The following TP53I11 variants were observed in gnomAD, a reference collection of about 807,000 sequenced individuals.
The protein encoded by TP53I11 is tumor protein p53 inducible protein 11.
Under a neutral mutation model 23.3 loss-of-function variants are expected in TP53I11, and 9 were observed. The ratio of observed to expected loss-of-function variants is 0.39; its 90% CI spans 0.23 to 0.67. The LOEUF is 0.67. TP53I11 is among the 30% of genes least tolerant of loss of function. The probability of loss-of-function intolerance (pLI) is 0.48; values close to 1 mark genes in which losing one functional copy is unlikely to be tolerated. For missense variants in TP53I11, 170 were observed against 255.2 expected (o/e 0.67, Z 2.27); for synonymous variants, 100 against 106.1 (o/e 0.94, Z 0.35).
At position 44,937,611 on chromosome 11, in the gene TP53I11, G is replaced by T. The variant is rs150843358; in HGVS notation, c.132C>A (p.Ile44=). 3.1e-4 allele frequency: 501 copies of T among 1,613,360 alleles called. 3 individuals are homozygous for T. The East Asian group carries it at 8.3e-3, about 27-fold the overall frequency. The change falls in exon 3 of 7, where the codon ATC becomes ATA. Residue 44 remains isoleucine (I), a splice_region_variant and synonymous_variant. Coordinates refer to ENST00000525680, the MANE Select transcript of TP53I11 (RefSeq NM_006034.5). ...TGATTTCATTGCCTAAGACCTGGCT[G>T]ATCTGTGGACAGAGGGGGTCAGAGG... ...DDDGEVHRSK[I]SQVLGNEIKF... is the part of the protein sequence containing the mutation.
Position 44,932,385 on chromosome 11 carries a change from A to C in TP53I11, c.*2499T>G, listed in dbSNP as rs919738104. 1.3e-5 allele frequency: 2 copies of C among 152,254 alleles called. No individual in the cohort carries two copies. The highest frequency in any genetic ancestry group is 2.9e-5 in the Non-Finnish European group (2 of 68,052). The allele number at this position is 152,254 out of a possible 1,614,324, so 9.4% of individuals were successfully genotyped here. On this transcript the variant is annotated 3_prime_UTR_variant, in exon 7 of 7. Transcript: ENST00000525680. Reference sequence around the variant, plus strand: ...ACTGGTTTTTGTGAATGTTTCTTACAAAAAGAAAAAGGAACAAAGAATAAA... The same window carrying C: ...ACTGGTTTTTGTGAATGTTTCTTACCAAAAGAAAAAGGAACAAAGAATAAA...
At chr11:44,935,151 G>T in intron 6 of TP53I11, 134 bp from the exon 7 acceptor site, 1 of 1,315,098 alleles carries the variant, frequency 7.6e-7, no homozygotes, top group Non-Finnish European at 1.1e-6. Flanking sequence ...CAGGTGGGAA[G>T]CACAGGACCT....
chr11:44,934,833 C>T lies in TP53I11; in HGVS notation c.*51G>A, dbSNP rs1488893704. The T allele has an allele frequency of 1.9e-6, 3 of 1,610,016 alleles. No homozygotes were observed. Among genetic ancestry groups the T allele is most frequent in the Non-Finnish European group, 2.5e-6 (3 of 1,177,850 alleles). On this transcript the variant is annotated 3_prime_UTR_variant, in exon 7 of 7. Coordinates refer to ENST00000525680, the MANE Select transcript of TP53I11 (RefSeq NM_006034.5). ...CAGGAGCCAAAGGGAAGCCGAGGCC[C>T]CAGCGCCACTCTGGCCCAGGCATGG...
rs1375085669 is a variant in TP53I11 at position 44,936,707 on chromosome 11, G to A, written c.334+96C>T. 7.4e-7 allele frequency: 1 copy of A among 1,351,786 alleles called. No individual in the cohort carries two copies. Among genetic ancestry groups the A allele is most frequent in the African/African-American group, 1.5e-5 (1 of 65,508 alleles). The allele number at this position is 1,351,786 out of a possible 1,614,324, so 83.7% of individuals were successfully genotyped here. ...CGCAGCATCTGGCCGAAGAAAGGAA[G>A]GGGTGCCCGGGCACGGACCCCCGTG... On this transcript the variant is annotated intron_variant, in intron 5 of 6. Transcript: ENST00000525680. The surrounding 1 kb of genome is among the most constrained non-coding windows in gnomAD (Gnocchi z 4.4).
chr11:44,935,162 G>A, intron 6 of TP53I11, 145 bp from the exon 7 acceptor site: 1 of 1,164,130 alleles, frequency 8.6e-7, no homozygotes. Context: ...CACAGGACCT[G>A]CCCCCTGCCC....
At chr11:44,941,231 C>T (rs528771869) in intron 1 of TP53I11, among the ~76,000 whole-genome samples, 44 of 152,126 alleles carry the variant, frequency 2.9e-4, no homozygotes, top group African/African-American at 9.4e-4. Flanking sequence ...CAGCCTTGGC[C>T]GGGGGAGGGG....
chr11:44,946,937 T>C (rs1862443069), intron 1 of TP53I11: 2 of 447,498 alleles, frequency 4.5e-6, no homozygotes, highest in Non-Finnish European at 9.0e-6. Flanking sequence ...CTTCCTACTC[T>C]TTCTTTTTGA....
At chr11:44,946,111 C>T (rs571682084) in intron 1 of TP53I11, among the ~76,000 whole-genome samples, 6 of 152,294 alleles carry the variant, frequency 3.9e-5, no homozygotes, top group East Asian at 3.9e-4. Context: ...GTAAATGGGG[C>T]GGTGGTCCCT....
chr11:44,943,336 G>A (rs1405469788), intron 1 of TP53I11: 1 of 152,328 alleles, frequency 6.6e-6, no homozygotes, highest in Non-Finnish European at 1.5e-5. Context: ...CCTTCTGAAG[G>A]GCCCCCGGGG....
At chr11:44,946,311 G>C (rs1356785681) in intron 1 of TP53I11, among the ~76,000 whole-genome samples, 2 of 152,224 alleles carry the variant, frequency 1.3e-5, no homozygotes, top group Non-Finnish European at 2.9e-5. Flanking sequence ...GCTGGCTCCA[G>C]CTGGCTTGCT....
rs1590754281 is a variant in TP53I11 at position 44,938,459 on chromosome 11, C to G, written c.-31-93G>C. 3 of 1,390,256 alleles carry G rather than the reference C, an allele frequency of 2.2e-6. No homozygotes were observed. The East Asian group carries it at 8.2e-5, about 38-fold the overall frequency. 86.1% of individuals were successfully genotyped at this position (1,390,256 alleles called of 1,614,324 possible). A position where few individuals can be genotyped will look rare whatever the true frequency, so the allele number is the denominator to read the frequency against. On this transcript the variant is annotated intron_variant, in intron 1 of 6. Coordinates refer to ENST00000525680, the MANE Select transcript of TP53I11 (RefSeq NM_006034.5). ...GACTAGCGGAAGGCCACACCCCACA[C>G]CAGGCCTGCTGAGGCCTCCCCACGA...
At chr11:44,949,321 G>T (rs1862700903) in intron 1 of TP53I11, among the ~76,000 whole-genome samples, 1 of 152,186 alleles carries the variant, frequency 6.6e-6, no homozygotes, top group Admixed American at 6.5e-5. Flanking sequence ...GTCAGGGGTG[G>T]AGGTCCAAGG....
chr11:44,946,873 G>C (rs1274741347), intron 1 of TP53I11, among the ~76,000 whole-genome samples: 1 of 152,186 alleles, frequency 6.6e-6, no homozygotes, highest in Non-Finnish European at 1.5e-5. Flanking sequence ...AGCTCAAGCT[G>C]CCTCATCCCC....
Position 44,934,824 on chromosome 11 carries a change from G to A in TP53I11, c.*60C>T, listed in dbSNP as rs941393826. On this transcript the variant is annotated 3_prime_UTR_variant, in exon 7 of 7. Coordinates refer to ENST00000525680, the MANE Select transcript of TP53I11 (RefSeq NM_006034.5). ...CCTGCCTTCCAGGAGCCAAAGGGAA[G>A]CCGAGGCCCCAGCGCCACTCTGGCC... 54 of 1,604,752 alleles carry A rather than the reference G, an allele frequency of 3.4e-5. No homozygotes were observed. The highest frequency in any genetic ancestry group is 8.4e-5 in the Admixed American group (5 of 59,432).
At chr11:44,946,282 A>G (rs1460789230) in intron 1 of TP53I11, among the ~76,000 whole-genome samples, 2 of 152,150 alleles carry the variant, frequency 1.3e-5, no homozygotes, top group African/African-American at 4.8e-5. Flanking sequence ...AGGCGAGGCT[A>G]CCCGGTGGAT....
At chr11:44,938,146 C>CT in intron 2 of TP53I11, 61 bp downstream of exon 2, 1 of 1,552,640 alleles carries the variant, frequency 6.4e-7, no homozygotes, top group South Asian at 1.2e-5. Flanking sequence ...ACCTTCTCCC[C>CT]TAATGGTGGG....
At position 44,947,550 on chromosome 11, in the gene TP53I11, G is replaced by A. The variant is rs559170834; in HGVS notation, c.-32+3127C>T. Among the ~76,000 whole-genome samples, 379 of 152,316 alleles carry A rather than the reference G, an allele frequency of 2.5e-3. 2 individuals carry two copies. Among genetic ancestry groups the A allele is most frequent in the Non-Finnish European group, 3.3e-3 (225 of 68,034 alleles). ...TGAGCCCGTTTCTTCAAAAGCAAGC[G>A]GTGATTTGTCTTCTGGGTGAGTTGG... On this transcript the variant is annotated intron_variant, in intron 1 of 6. Coordinates refer to ENST00000525680, the MANE Select transcript of TP53I11 (RefSeq NM_006034.5).
At position 44,935,674 on chromosome 11, in the gene TP53I11, G is replaced by GA; in HGVS notation, c.335-13dup. On this transcript the variant is annotated splice_polypyrimidine_tract_variant and intron_variant, in intron 5 of 6. Transcript: ENST00000525680. Reference sequence around the variant, plus strand: ...GATCAGGGAGATGCCTGGGGCGGGGGATGAAAAGGGGGCTGGGGGTGGGAC... The same window carrying GA: ...GATCAGGGAGATGCCTGGGGCGGGGGAATGAAAAGGGGGCTGGGGGTGGGAC... 1 of 626,968 alleles carries GA rather than the reference G, an allele frequency of 1.6e-6. No individual in the cohort carries two copies. Among genetic ancestry groups the GA allele is most frequent in the Admixed American group, 2.0e-5 (1 of 49,814 alleles). 38.8% of individuals were successfully genotyped at this position (626,968 alleles called of 1,614,324 possible). A position where few individuals can be genotyped will look rare whatever the true frequency, so the allele number is the denominator to read the frequency against.
intron 5 of TP53I11, chr11:44,935,972 G>A (rs999854520): frequency 2.9e-5 from 13 of 449,258 alleles, no homozygotes; most frequent in African/African-American, 2.2e-4. Flanking sequence ...CCTGGCCCCT[G>A]CCCATGTCCG....
Sources: gnomAD v4.1 joint callset for allele counts (sites outside exome capture counted in the v4.1 genomes callset) on GRCh38, gnomAD v4.1.1 for gene constraint, Gnocchi (gnomAD v3.1) non-coding constraint, MANE v1.5 for transcripts, NCBI Gene and HGNC (gene_info 2026-07-23, HGNC 2026-07-21) for gene names.